EIF3F: variants seen among roughly 807,000 people sequenced by gnomAD.
EIF3F encodes the protein deubiquitinating enzyme eIF3f.
A neutral mutation model predicts 36.0 loss-of-function variants in EIF3F; 8 were observed. That is an observed-to-expected ratio of 0.22 (90% CI 0.13 to 0.40). The LOEUF (loss-of-function observed/expected upper bound fraction) is 0.40. EIF3F is among the 10% of genes least tolerant of loss of function. EIF3F has a pLI of 1.00. For missense variants in EIF3F, 430 were observed against 467.6 expected (o/e 0.92, Z 0.74); for synonymous variants, 184 against 188.5 (o/e 0.98, Z 0.19).
rs1037743665 is a variant in EIF3F, at chr11:7,997,562, A to C, written c.*1540A>C. ...AAGTATTAAACTAGCCCAAGGAAAA[A>C]TTGAATATTAAAACAAACCCCAATC... is the stretch of plus-strand genomic sequence containing the variant. On this transcript the variant is annotated 3_prime_UTR_variant, in exon 8 of 8. Coordinates refer to ENST00000651655, the MANE Select transcript of EIF3F (RefSeq NM_003754.3). 6.6e-6 allele frequency: 1 copy of C among 152,248 alleles called. No homozygotes were observed. The highest frequency in any genetic ancestry group is 1.5e-5 in the Non-Finnish European group (1 of 68,030). 9.4% of individuals were successfully genotyped at this position (152,248 alleles called of 1,614,324 possible).
At chr11:7,988,165 G>A (rs1225349140) in intron 1 of EIF3F, among the ~76,000 whole-genome samples, 9 of 152,150 alleles carry the variant, frequency 5.9e-5, no homozygotes, top group Admixed American at 5.9e-4. Flanking sequence ...AAATGTCATC[G>A]TTTTCCAGGT....
rs1350882589 is a variant in EIF3F, at chr11:8,000,462, C to T, written c.*4440C>T. 3 of 152,010 alleles carry T rather than the reference C, an allele frequency of 2.0e-5. No homozygotes were observed. The highest frequency in any genetic ancestry group is 7.3e-5 in the African/African-American group (3 of 41,364). The allele number at this position is 152,010 out of a possible 1,614,324, so 9.4% of individuals were successfully genotyped here. A position where few individuals can be genotyped will look rare whatever the true frequency, so the allele number is the denominator to read the frequency against. On this transcript the variant is annotated 3_prime_UTR_variant, in exon 8 of 8. Coordinates refer to ENST00000651655, the MANE Select transcript of EIF3F (RefSeq NM_003754.3). ...AAGTTTCAGTTAAACAGGAGTAGTA[C>T]GTTCCGGAGACCTGTTGTGCAGCAG...
At position 7,987,613 on chromosome 11, in the gene EIF3F, C is replaced by T. The variant is rs1414883248; in HGVS notation, c.261C>T (p.Pro87=). Residue 87 remains proline (P), a synonymous_variant, in exon 1 of 8, where the codon CCC becomes CCT. Transcript: ENST00000651655. ...LPGPALPGPF[P]GGRVVRLHPV... ...GTCCTGCTCTTCCAGGGCCCTTCCC[C>T]GGCGGCCGCGTGGTCAGGCTGCACC... The T allele has an allele frequency of 1.3e-6, 2 of 1,584,224 alleles. No homozygotes were observed. Among genetic ancestry groups the T allele is most frequent in the African/African-American group, 1.4e-5 (1 of 73,694 alleles).
chr11:7,987,892 A>T, intron 1 of EIF3F, 176 bp downstream of exon 1: 1 of 955,218 alleles, frequency 1.0e-6, no homozygotes, highest in Non-Finnish European at 1.4e-6. Flanking sequence ...CTTCTCAAGC[A>T]CTTGCATCTC....
At position 7,997,765 on chromosome 11, in the gene EIF3F, G is replaced by T. The variant is rs1942176549; in HGVS notation, c.*1743G>T. 3.3e-5 allele frequency: 5 copies of T among 152,164 alleles called. No individual in the cohort carries two copies. Among genetic ancestry groups the T allele is most frequent in the Admixed American group, 2.0e-4 (3 of 15,288 alleles). The allele number at this position is 152,164 out of a possible 1,614,324, so 9.4% of individuals were successfully genotyped here. On this transcript the variant is annotated 3_prime_UTR_variant, in exon 8 of 8. Transcript: ENST00000651655. ...CAAGTGAAACTTGTTTAGACATGCG[G>T]TTGGCTGTCTGTATATGTGGGTTCC...
At chr11:7,991,751 A>G (rs762379628) in intron 1 of EIF3F, 30 bp from the exon 2 acceptor site, 13 of 1,612,950 alleles carry the variant, frequency 8.1e-6, no homozygotes, top group Non-Finnish European at 9.3e-6. Flanking sequence ...CTAGGATTAT[A>G]TAACACATGG....
In EIF3F at chr11:7,996,017, C is replaced by A; in HGVS notation, c.1069C>A (p.Leu357Met). Residue 357 changes from leucine (L) to methionine (M), a missense_variant, in exon 8 of 8, where the codon CTG becomes ATG. Physicochemically the swap from Leu to Met is conservative, Grantham distance 15. Transcript: ENST00000651655. ...TGCACTCAATGAAAAACTTGTAAACCTGTGAATGGACCCCAAGCAGTACAC... is the reference window on the plus strand; with the variant it reads ...TGCACTCAATGAAAAACTTGTAAACATGTGAATGGACCCCAAGCAGTACAC... ...QIALNEKLVN[L>M] 1.2e-6 allele frequency: 2 copies of A among 1,613,888 alleles called. No homozygotes were observed. The highest frequency in any genetic ancestry group is 1.7e-6 in the Non-Finnish European group (2 of 1,179,784).
chr11:7,993,152 C>G (rs1291523260), intron 4 of EIF3F, 128 bp downstream of exon 4: 1 of 1,076,588 alleles, frequency 9.3e-7, no homozygotes, highest in Non-Finnish European at 1.3e-6. Context: ...TCCTCTCTCT[C>G]AACAGTTATT....
chr11:7,992,658 A>C (rs1484706148), intron 3 of EIF3F: 3 of 570,814 alleles, frequency 5.3e-6, no homozygotes, highest in Non-Finnish European at 9.3e-6. Context: ...CTGTGGGGCC[A>C]GGATATTTCG....
rs889177664 is a variant in EIF3F at position 8,000,606 on chromosome 11, A to G, written c.*4584A>G. The G allele has an allele frequency of 6.6e-6, 1 of 152,246 alleles. No homozygotes were observed. 9.4% of individuals were successfully genotyped at this position (152,246 alleles called of 1,614,324 possible). A position where few individuals can be genotyped will look rare whatever the true frequency, so the allele number is the denominator to read the frequency against. The stretch of plus-strand genomic sequence containing the variant: ...TGGTAATCAATTTCGCAATGTGTAC[A>G]TATATCAAAACATCACATTGTACAA... On this transcript the variant is annotated 3_prime_UTR_variant, in exon 8 of 8. Coordinates refer to ENST00000651655, the MANE Select transcript of EIF3F (RefSeq NM_003754.3).
chr11:7,990,731 TG>T (rs1942081504), intron 1 of EIF3F, among the ~76,000 whole-genome samples: 1 of 152,130 alleles, frequency 6.6e-6, no homozygotes, highest in African/African-American at 2.4e-5. Flanking sequence ...AGATAAACAC[TG>T]GTAGATATAG....
chr11:7,993,915 A>G (rs1776129165), intron 4 of EIF3F, among the ~76,000 whole-genome samples: 1 of 152,188 alleles, frequency 6.6e-6, no homozygotes, highest in Admixed American at 6.5e-5. Context: ...AGATAGAGAA[A>G]GATATATATA....
Position 7,995,293 on chromosome 11 carries a change from C to G in EIF3F, c.922C>G (p.Leu308Val). ...AGCTGACAATACTGTGGGCCGCTTCCTGATGAGCCTGGTTAACCAAGTACC... is the reference window on the plus strand; with the variant it reads ...AGCTGACAATACTGTGGGCCGCTTCGTGATGAGCCTGGTTAACCAAGTACC... ...VSADNTVGRF[L>V]MSLVNQVPKI... Residue 308 changes from leucine (L) to valine (V), a missense_variant, in exon 7 of 8, where the codon CTG becomes GTG. This residue lies in a region of EIF3F where 262 missense variants were observed against 347.4 expected (regional missense o/e 0.75). Transcript: ENST00000651655. 6.2e-7 allele frequency: 1 copy of G among 1,614,182 alleles called. No homozygotes were observed. Among genetic ancestry groups the G allele is most frequent in the Non-Finnish European group, 8.5e-7 (1 of 1,180,026 alleles).
At chr11:7,987,825 C>G (rs970503402) in intron 1 of EIF3F, 109 bp downstream of exon 1, 3 of 1,368,942 alleles carry the variant, frequency 2.2e-6, no homozygotes, top group African/African-American at 3.1e-5. Flanking sequence ...GTCCTTTCCT[C>G]CCATCCCCAA....
chr11:7,998,696 T>G lies in EIF3F; in HGVS notation c.*2674T>G, dbSNP rs983909886. On this transcript the variant is annotated 3_prime_UTR_variant, in exon 8 of 8. Transcript: ENST00000651655. ...CAAAAAATGAGAATTGACTATTATG[T>G]GTGTGTATATTATATATATGATAAA... 2 of 152,142 alleles carry G rather than the reference T, an allele frequency of 1.3e-5. No individual in the cohort carries two copies. The highest frequency in any genetic ancestry group is 1.3e-4 in the Admixed American group (2 of 15,266). 9.4% of individuals were successfully genotyped at this position (152,142 alleles called of 1,614,324 possible).
rs1942178135 is a variant in EIF3F at position 7,997,866 on chromosome 11, C to T, written c.*1844C>T. 6.6e-6 allele frequency: 1 copy of T among 152,266 alleles called. No homozygotes were observed. Among genetic ancestry groups the T allele is most frequent in the African/African-American group, 2.4e-5 (1 of 41,558 alleles). 9.4% of individuals were successfully genotyped at this position (152,266 alleles called of 1,614,324 possible). A position where few individuals can be genotyped will look rare whatever the true frequency, so the allele number is the denominator to read the frequency against. ...TGTGTCTGGACTAAACCTGTACAGACATTTTTCCTTGTCATTTTTCCCTAA... is the reference window on the plus strand; with the variant it reads ...TGTGTCTGGACTAAACCTGTACAGATATTTTTCCTTGTCATTTTTCCCTAA... On this transcript the variant is annotated 3_prime_UTR_variant, in exon 8 of 8. Transcript: ENST00000651655.
At position 7,998,827 on chromosome 11, in the gene EIF3F, G is replaced by T. The variant is rs1942190437; in HGVS notation, c.*2805G>T. 1 of 152,140 alleles carries T rather than the reference G, an allele frequency of 6.6e-6. No homozygotes were observed. Among genetic ancestry groups the T allele is most frequent in the Non-Finnish European group, 1.5e-5 (1 of 68,030 alleles). 9.4% of individuals were successfully genotyped at this position (152,140 alleles called of 1,614,324 possible). ...GTTATCAGCAATTATCTAGTTTGAG[G>T]TTGGACAGTGGTTTCATCATAGGTA... On this transcript the variant is annotated 3_prime_UTR_variant, in exon 8 of 8. Transcript: ENST00000651655.
Position 7,997,113 on chromosome 11 carries a change from G to T in EIF3F, c.*1091G>T, listed in dbSNP as rs1418227293. On this transcript the variant is annotated 3_prime_UTR_variant, in exon 8 of 8. Coordinates refer to ENST00000651655, the MANE Select transcript of EIF3F (RefSeq NM_003754.3). ...AGCCTGGAACTCAGTTCTGAGATAT[G>T]TACCTCAGGAAATATAAGTTATGGG... The T allele has an allele frequency of 6.6e-6, 1 of 152,194 alleles. No homozygotes were observed. The highest frequency in any genetic ancestry group is 1.5e-5 in the Non-Finnish European group (1 of 68,044). 9.4% of individuals were successfully genotyped at this position (152,194 alleles called of 1,614,324 possible).
At position 7,992,899 on chromosome 11, in the gene EIF3F, C is replaced by T; in HGVS notation, c.528C>T (p.Gly176=). The T allele has an allele frequency of 6.2e-7, 1 of 1,614,094 alleles. No homozygotes were observed. Among genetic ancestry groups the T allele is most frequent in the Non-Finnish European group, 8.5e-7 (1 of 1,180,018 alleles). ...TTCCATTTCACAGGTACGCTACGGG[C>T]CATGACATCACAGAGCACTCTGTGC... ...NELILGWYAT[G]HDITEHSVLI... Residue 176 remains glycine (G), a synonymous_variant, in exon 4 of 8, where the codon GGC becomes GGT. Transcript: ENST00000651655.
Sources: allele counts gnomAD v4.1 joint callset (sites outside exome capture counted in the v4.1 genomes callset), GRCh38; gene constraint gnomAD v4.1.1; regional missense constraint gnomAD v4.1.1; transcripts MANE v1.5; gene names NCBI Gene and HGNC (gene_info 2026-07-23, HGNC 2026-07-21).